Variants in PIP5K1B observed in about 807,000 individuals in gnomAD.
PIP5K1B encodes phosphatidylinositol-4-phosphate 5-kinase type 1 beta.
PIP5K1B carries 42 observed loss-of-function variants against 67.0 expected under a neutral mutation model. The ratio of observed to expected loss-of-function variants is 0.63; its 90% confidence interval spans 0.49 to 0.81. The LOEUF (loss-of-function observed/expected upper bound fraction) is 0.81, where lower values mean the gene tolerates loss of function less well. Among genes scored for constraint, PIP5K1B ranks in the 30% least tolerant of loss-of-function variants. The pLI is 0.00. For synonymous variants in PIP5K1B, 214 were observed against 231.4 expected (o/e 0.92, Z 0.68); for missense variants, 459 against 646.3 (o/e 0.71, Z 3.14).
intron 4 of PIP5K1B, among the ~76,000 whole-genome samples, chr9:68,858,147 T>C (rs1037707511): frequency 6.6e-6 from 1 of 152,078 alleles, no homozygotes; most frequent in African/African-American, 2.4e-5. Context: ...CTAATTTTTG[T>C]ATTTTTAGTA....
chr9:68,984,519 G>C (rs1431896970), intron 14 of PIP5K1B, among the ~76,000 whole-genome samples: 1 of 152,038 alleles, frequency 6.6e-6, no homozygotes, highest in African/African-American at 2.4e-5. Flanking sequence ...TACATTTAAT[G>C]GTACTTTACT....
At chr9:68,753,515 CTT>C (rs71500334) in intron 2 of PIP5K1B, among the ~76,000 whole-genome samples, 1 of 38,276 alleles carries the variant, frequency 2.6e-5, no homozygotes. Flanking sequence ...AATTTTGTTT[CTT>C]TTTTTTTTTT....
intron 1 of PIP5K1B, among the ~76,000 whole-genome samples, chr9:68,726,565 C>G (rs1044478971): frequency 6.6e-6 from 1 of 152,166 alleles, no homozygotes; most frequent in Admixed American, 6.5e-5. Flanking sequence ...CTAAGCATGG[C>G]AGACTTGGTT....
chr9:68,993,151 G>A (rs555197183), intron 15 of PIP5K1B, among the ~76,000 whole-genome samples: 1 of 144,164 alleles, frequency 6.9e-6, no homozygotes, highest in East Asian at 1.9e-4. Context: ...GACAGAGCCA[G>A]ACTCCGTCTC....
At chr9:68,867,960 A>G (rs1419891913) in intron 5 of PIP5K1B, among the ~76,000 whole-genome samples, 1 of 152,082 alleles carries the variant, frequency 6.6e-6, no homozygotes, top group Non-Finnish European at 1.5e-5. Context: ...TTTTTTTCTT[A>G]TTTATATATT....
chr9:68,893,544 G>T (rs1252629417), intron 7 of PIP5K1B, among the ~76,000 whole-genome samples: 1 of 152,066 alleles, frequency 6.6e-6, no homozygotes, highest in Non-Finnish European at 1.5e-5. Context: ...ATGCTAGCCA[G>T]GCTGGTCTCG....
At chr9:68,951,018 T>C (rs1237591531) in intron 14 of PIP5K1B, among the ~76,000 whole-genome samples, 2 of 152,226 alleles carry the variant, frequency 1.3e-5, no homozygotes, top group African/African-American at 2.4e-5. Flanking sequence ...ATTTAGTTCA[T>C]GATAGTTATG....
At chr9:68,963,613 G>A (rs1255177525) in intron 14 of PIP5K1B, among the ~76,000 whole-genome samples, 2 of 152,204 alleles carry the variant, frequency 1.3e-5, no homozygotes, top group Non-Finnish European at 2.9e-5. Context: ...TCTGTAGAAG[G>A]AAGACACGTT....
chr9:68,940,981 T>C, intron 14 of PIP5K1B, 191 bp downstream of exon 14: 1 of 682,866 alleles, frequency 1.5e-6, no homozygotes, highest in Non-Finnish European at 2.7e-6. Context: ...CCCTCATGAT[T>C]TTTCTTTACA....
At chr9:68,815,353 C>T (rs780598119) in intron 2 of PIP5K1B, among the ~76,000 whole-genome samples, 3 of 149,452 alleles carry the variant, frequency 2.0e-5, no homozygotes, top group Non-Finnish European at 4.4e-5. Context: ...TTATTAATGA[C>T]GAAAGCTAAA....
chr9:68,770,399 C>T (rs1166099765), intron 2 of PIP5K1B, among the ~76,000 whole-genome samples: 2 of 152,230 alleles, frequency 1.3e-5, no homozygotes, highest in East Asian at 1.9e-4. Context: ...AGTCCTCCTG[C>T]ACCTTGCTGG....
intron 12 of PIP5K1B, among the ~76,000 whole-genome samples, chr9:68,933,905 A>T (rs1460258050): frequency 6.6e-6 from 1 of 152,146 alleles, no homozygotes. Context: ...GCCCCAGATG[A>T]GCTGTGTAAT....
At chr9:68,875,295 C>CAAAAAAAAAAAA (rs147022066) in intron 5 of PIP5K1B, among the ~76,000 whole-genome samples, 1 of 44,844 alleles carries the variant, frequency 2.2e-5, no homozygotes, top group African/African-American at 9.8e-5. Context: ...TGGTACTCAG[C>CAAAAAAAAAAAA]AAAAAAAAAA....
intron 8 of PIP5K1B, among the ~76,000 whole-genome samples, chr9:68,911,510 A>T (rs1172177376): frequency 6.6e-6 from 1 of 152,246 alleles, no homozygotes; most frequent in Non-Finnish European, 1.5e-5. Context: ...ATGAAATCGC[A>T]TTAGAATGAT....
intron 8 of PIP5K1B, among the ~76,000 whole-genome samples, chr9:68,913,072 T>C (rs1256088154): frequency 6.6e-6 from 1 of 152,224 alleles, no homozygotes; most frequent in Non-Finnish European, 1.5e-5. Flanking sequence ...TTTTACTACA[T>C]TCCAATGTTG....
chr9:68,742,808 G>A (rs1460333864), intron 2 of PIP5K1B, among the ~76,000 whole-genome samples, 151 bp downstream of exon 2: 3 of 152,198 alleles, frequency 2.0e-5, no homozygotes, highest in African/African-American at 4.8e-5. Context: ...TCAGGAGCCT[G>A]TAGAAAGAGG....
chr9:68,729,653 A>AG (rs59607842), intron 1 of PIP5K1B, among the ~76,000 whole-genome samples: 43 of 152,284 alleles, frequency 2.8e-4, no homozygotes, highest in African/African-American at 9.4e-4. Context: ...GTTAGGTACT[A>AG]TCATTTTTAT....
intron 2 of PIP5K1B, among the ~76,000 whole-genome samples, chr9:68,749,414 A>G (rs1471379776): frequency 1.3e-5 from 2 of 152,178 alleles, no homozygotes; most frequent in South Asian, 2.1e-4. Context: ...CAGAGAGAGC[A>G]TGACCCTGCC....
At chr9:68,896,349 G>GAA (rs34939621) in intron 8 of PIP5K1B, among the ~76,000 whole-genome samples, 3 of 137,854 alleles carry the variant, frequency 2.2e-5, no homozygotes, top group African/African-American at 8.1e-5. Flanking sequence ...TTCTCTGCCA[G>GAA]AAAAAAAAAA....
Sources: allele counts gnomAD v4.1 joint callset (sites outside exome capture counted in the v4.1 genomes callset), GRCh38; gene constraint gnomAD v4.1.1; transcripts MANE v1.5; gene names NCBI Gene and HGNC (gene_info 2026-07-23, HGNC 2026-07-21).